The following KLF10 variants were observed in gnomAD, a reference collection of about 807,000 sequenced individuals.
The protein encoded by KLF10 is Krueppel-like factor 10.
A neutral mutation model predicts 31.6 loss-of-function variants in KLF10; 17 were observed. The observed-to-expected ratio is 0.54, with a 90% confidence interval of 0.37 to 0.81. The LOEUF is 0.81. KLF10 is among the 30% of genes least tolerant of loss of function. The pLI is 0.00. For synonymous variants in KLF10, 239 were observed against 215.1 expected (o/e 1.11, Z -0.97); for missense variants, 525 against 598.1 (o/e 0.88, Z 1.27).
At chr8:102,655,143 C>T (rs931051378) in intron 1 of KLF10, among the ~76,000 whole-genome samples, 6 of 152,126 alleles carry the variant, frequency 3.9e-5, no homozygotes, top group African/African-American at 1.4e-4. Flanking sequence ...CCAGACCGGG[C>T]ATCTCTCCTC....
chr8:102,653,944 T>C (rs2471847), intron 1 of KLF10: 1 of 986,218 alleles, frequency 1.0e-6, no homozygotes, highest in East Asian at 1.2e-4. Flanking sequence ...GACCGACGGA[T>C]GGGGCCGCCC....
In KLF10 at chr8:102,649,795, A is replaced by C. The variant is rs1339931835; in HGVS notation, c.*337T>G. On this transcript the variant is annotated 3_prime_UTR_variant, in exon 4 of 4. Transcript: ENST00000285407. The stretch of plus-strand genomic sequence containing the variant: ...GAATCACATTGAAAAGTTGGTCTCA[A>C]GTATAAACAGCAAAAGTAAAGTAAC... 1 of 282,726 alleles carries C rather than the reference A, an allele frequency of 3.5e-6. No individual in the cohort carries two copies. The highest frequency in any genetic ancestry group is 6.7e-6 in the Non-Finnish European group (1 of 149,286). 17.5% of individuals were successfully genotyped at this position (282,726 alleles called of 1,614,324 possible). A position where few individuals can be genotyped will look rare whatever the true frequency, so the allele number is the denominator to read the frequency against.
chr8:102,655,136 G>C (rs1044850867), intron 1 of KLF10, among the ~76,000 whole-genome samples: 5 of 152,052 alleles, frequency 3.3e-5, no homozygotes, highest in Non-Finnish European at 7.4e-5. Context: ...TCCTGAGCCA[G>C]ACCGGGCATC....
Position 102,651,251 on chromosome 8 carries a change from T to C in KLF10, c.1081A>G (p.Ile361Val), listed in dbSNP as rs1161459168. 6.2e-7 allele frequency: 1 copy of C among 1,603,472 alleles called. No homozygotes were observed. Among genetic ancestry groups the C allele is most frequent in the East Asian group, 2.2e-5 (1 of 44,810 alleles). ...TGACTCCTTATCCTTGATGAATCAA[T>C]CTGAGGAGTGACTTTTGCTGCTGAA... ...SPSAAKVTPQ[I>V]DSSRIRSHIC... Residue 361 changes from isoleucine to valine, a missense_variant, in exon 3 of 4, where the codon ATT (isoleucine) becomes GTT (valine). By Grantham distance (29) the Ile-to-Val change is conservative. Coordinates refer to ENST00000285407, the MANE Select transcript of KLF10 (RefSeq NM_005655.4).
intron 1 of KLF10, chr8:102,653,862 C>G: frequency 6.7e-6 from 4 of 594,616 alleles, no homozygotes; most frequent in Non-Finnish European, 7.8e-6. Context: ...AAGGGAAGCG[C>G]GGGCGGAGGC....
chr8:102,652,419 G>A lies in KLF10; in HGVS notation c.37-22C>T, dbSNP rs541439146. ...CCTCCTATAAAAACAAAAGAGGAAA[G>A]CTTATAAGCATATTTTTTGTCATCC... On this transcript the variant is annotated intron_variant, in intron 1 of 3. Coordinates refer to ENST00000285407, the MANE Select transcript of KLF10 (RefSeq NM_005655.4). The A allele has an allele frequency of 1.7e-5, 24 of 1,390,168 alleles. No individual in the cohort carries two copies. The South Asian group carries it at 2.8e-4, about 16-fold the overall frequency. The allele number at this position is 1,390,168 out of a possible 1,614,324, so 86.1% of individuals were successfully genotyped here.
intron 1 of KLF10, among the ~76,000 whole-genome samples, chr8:102,653,011 G>A (rs1022921313): frequency 1.3e-5 from 2 of 152,046 alleles, no homozygotes; most frequent in Non-Finnish European, 2.9e-5. Flanking sequence ...TTTGCACTTT[G>A]GGATAAAAAT....
chr8:102,649,978 T>C lies in KLF10; in HGVS notation c.*154A>G. The C allele has an allele frequency of 2.2e-6, 2 of 917,896 alleles. No individual in the cohort carries two copies. The highest frequency in any genetic ancestry group is 3.2e-6 in the Non-Finnish European group (2 of 621,864). The allele number at this position is 917,896 out of a possible 1,614,324, so 56.9% of individuals were successfully genotyped here. ...CTGCCTGTGGCCGAAGCCCTTTTAG[T>C]CACCTAACCCAGGCGGGGCCTTCGT... On this transcript the variant is annotated 3_prime_UTR_variant, in exon 4 of 4. Coordinates refer to ENST00000285407, the MANE Select transcript of KLF10 (RefSeq NM_005655.4).
intron 1 of KLF10, chr8:102,654,087 G>GGGGCGT (rs1390647236): frequency 3.9e-6 from 2 of 511,290 alleles, no homozygotes; most frequent in African/African-American, 4.1e-5. Context: ...GCCCGGGGCG[G>GGGGCGT]GGGCGTGGGC....
In KLF10 at chr8:102,655,559, G is replaced by A. The variant is rs746393925; in HGVS notation, c.36+7C>T. On this transcript the variant is annotated splice_region_variant and intron_variant, in intron 1 of 3. Transcript: ENST00000285407. The stretch of plus-strand genomic sequence containing the variant: ...AGGAAGCACAGGGGCATCCCCAAAT[G>A]ACTTACCGCAGTCTGCTGGAGAGAG... The A allele has an allele frequency of 1.2e-6, 2 of 1,614,140 alleles. No individual in the cohort carries two copies. Among genetic ancestry groups the A allele is most frequent in the Non-Finnish European group, 1.7e-6 (2 of 1,179,998 alleles).
chr8:102,651,650 G>A lies in KLF10; in HGVS notation c.682C>T (p.Leu228Phe), dbSNP rs1331351106. 1 of 1,614,124 alleles carries A rather than the reference G, an allele frequency of 6.2e-7. No homozygotes were observed. The highest frequency in any genetic ancestry group is 8.5e-7 in the Non-Finnish European group (1 of 1,180,058). Residue 228 changes from leucine to phenylalanine, a missense_variant, in exon 3 of 4, where the codon CTT becomes TTT. Leu to Phe is a conservative substitution (Grantham distance 22). Transcript: ENST00000285407. The part of the protein sequence containing the change: ...ADVDEKASAA[L>F]YDFSVPSSET... ...GAGGAAGGCACAGAAAAGTCATAAA[G>A]TGCAGCACTTGCTTTCTCATCAACA... is the stretch of plus-strand genomic sequence containing the variant.
intron 1 of KLF10, among the ~76,000 whole-genome samples, chr8:102,653,075 G>C (rs1234868222): frequency 6.6e-6 from 1 of 152,136 alleles, no homozygotes; most frequent in Non-Finnish European, 1.5e-5. Flanking sequence ...CATTATTTAA[G>C]ATCTAAAATT....
chr8:102,650,348 C>T lies in KLF10; in HGVS notation c.1227G>A (p.Arg409=). ...FSCSWKGCER[R]FARSDELSRH... is the part of the protein sequence containing the mutation. ...TGGACAGTTCATCAGAACGGGCAAA[C>T]CTCCTTTCACAACCTTTCCAGCTAC... Residue 409 remains arginine, a synonymous_variant, in exon 4 of 4, where the codon AGG becomes AGA. Coordinates refer to ENST00000285407, the MANE Select transcript of KLF10 (RefSeq NM_005655.4). The T allele has an allele frequency of 1.9e-6, 3 of 1,614,108 alleles. No homozygotes were observed. The highest frequency in any genetic ancestry group is 2.5e-6 in the Non-Finnish European group (3 of 1,180,016).
intron 1 of KLF10, chr8:102,653,453 A>T (rs1172603700): frequency 6.5e-7 from 1 of 1,541,814 alleles, no homozygotes; most frequent in African/African-American, 1.4e-5. Flanking sequence ...ACGCTAAAAA[A>T]AAATGGTACT....
intron 1 of KLF10, 84 bp from the exon 2 acceptor site, chr8:102,652,481 T>C: frequency 1.3e-6 from 1 of 770,440 alleles, no homozygotes; most frequent in Non-Finnish European, 2.0e-6. Context: ...TTTTTTTTTT[T>C]TTTTTTTTTA....
chr8:102,651,895 T>C lies in KLF10; in HGVS notation c.437A>G (p.Lys146Arg). Residue 146 changes from lysine (K) to arginine (R), a missense_variant, in exon 3 of 4, where the codon AAA (lysine) becomes AGA (arginine). Coordinates refer to ENST00000285407, the MANE Select transcript of KLF10 (RefSeq NM_005655.4). The stretch of plus-strand genomic sequence containing the variant: ...ACTTGTTGCCTGAGCTTTGGGGAGT[T>C]TGGGGGCAGATACTGGGCTCTTTTC... ...EEEKSPVSAP[K>R]LPKAQATSVI... The C allele has an allele frequency of 1.2e-6, 2 of 1,613,992 alleles. No homozygotes were observed. Among genetic ancestry groups the C allele is most frequent in the East Asian group, 2.2e-5 (1 of 44,882 alleles).
chr8:102,655,714 A>G lies in KLF10; in HGVS notation c.-113T>C. 1.6e-6 allele frequency: 2 copies of G among 1,254,924 alleles called. No individual in the cohort carries two copies. Among genetic ancestry groups the G allele is most frequent in the Non-Finnish European group, 2.3e-6 (2 of 880,366 alleles). The allele number at this position is 1,254,924 out of a possible 1,614,324, so 77.7% of individuals were successfully genotyped here. ...CGCCGCTCCCGCCGCCGCCGCGCTC[A>G]GCGCCGTCTGCCCCCTCCCCATTCA... On this transcript the variant is annotated 5_prime_UTR_variant, in exon 1 of 4. Coordinates refer to ENST00000285407, the MANE Select transcript of KLF10 (RefSeq NM_005655.4).
Position 102,650,039 on chromosome 8 carries a change from G to T in KLF10, c.*93C>A. 1 of 1,480,720 alleles carries T rather than the reference G, an allele frequency of 6.8e-7. No individual in the cohort carries two copies. Among genetic ancestry groups the T allele is most frequent in the African/African-American group, 1.4e-5 (1 of 72,046 alleles). The allele number at this position is 1,480,720 out of a possible 1,614,324, so 91.7% of individuals were successfully genotyped here. On this transcript the variant is annotated 3_prime_UTR_variant, in exon 4 of 4. Coordinates refer to ENST00000285407, the MANE Select transcript of KLF10 (RefSeq NM_005655.4). ...GGGGCTTCTGCTTTAAGCCCACGTT[G>T]TGGGGCCACAGACTTGCAGTGGAAG...
In KLF10 at chr8:102,652,175, T is replaced by G; in HGVS notation, c.259A>C (p.Ile87Leu). Reference sequence around the variant, plus strand: ...ACAATAATACTTACAAATGCTGGGATTGTATGAAAATCAGGTGTTCCCGGA... The same window carrying G: ...ACAATAATACTTACAAATGCTGGGAGTGTATGAAAATCAGGTGTTCCCGGA... ...LLPGTPDFHT[I>L]PAFCLTPPYS... Residue 87 changes from isoleucine to leucine, a missense_variant, in exon 2 of 4, where the codon ATC becomes CTC. Ile to Leu is a conservative substitution (Grantham distance 5). Coordinates refer to ENST00000285407, the MANE Select transcript of KLF10 (RefSeq NM_005655.4). The G allele has an allele frequency of 1.3e-6, 2 of 1,592,628 alleles. No individual in the cohort carries two copies. The highest frequency in any genetic ancestry group is 1.7e-6 in the Non-Finnish European group (2 of 1,167,082).
Sources: gnomAD v4.1 joint callset for allele counts (sites outside exome capture counted in the v4.1 genomes callset) on GRCh38, gnomAD v4.1.1 for gene constraint, MANE v1.5 for transcripts, NCBI Gene and HGNC (gene_info 2026-07-23, HGNC 2026-07-21) for gene names.